Variants in CASTOR2 observed in about 807,000 individuals in gnomAD.
CASTOR2 encodes GATS protein like 2.
In CASTOR2, 8 loss-of-function variants were observed where a neutral mutation model predicts 31.2. The ratio of observed to expected loss-of-function variants is 0.26; its 90% CI spans 0.15 to 0.46. The LOEUF (loss-of-function observed/expected upper bound fraction) is 0.46, where lower values mean the gene tolerates loss of function less well. Among genes scored for constraint, CASTOR2 ranks in the 20% least tolerant of loss-of-function variants. The pLI, the probability that CASTOR2 is intolerant of heterozygous loss-of-function variation, is 0.99. For synonymous variants in CASTOR2, 162 were observed against 158.7 expected, an observed-to-expected ratio of 1.02 and a Z score of -0.16; for missense variants, 216 against 382.1, an observed-to-expected ratio of 0.57 and a Z score of 3.62.
chr7:74,989,263 C>CT lies in CASTOR2; in HGVS notation c.114-18717dup, dbSNP rs34799228. ...ACAGGCGTGAGCCACCACGCCTGGC[C>CT]TTTTTTTTTTTTTTGAGACAGGATC... On this transcript the variant is annotated intron_variant, in intron 1 of 8. Transcript: ENST00000616305. Among the ~76,000 whole-genome samples the CT allele has an allele frequency of 4.5e-4, 65 of 145,380 alleles. 1 individual carries two copies. The highest frequency in any genetic ancestry group is 3.5e-3 in the South Asian group (16 of 4,620).
intron 1 of CASTOR2, among the ~76,000 whole-genome samples, chr7:74,988,290 G>A (rs1219878401): frequency 2.0e-5 from 3 of 151,130 alleles, no homozygotes; most frequent in South Asian, 2.1e-4. Context: ...CACCACACCC[G>A]ACTTATTTAT....
chr7:74,997,124 C>G (rs1199971241), intron 1 of CASTOR2, among the ~76,000 whole-genome samples: 172 of 151,886 alleles, frequency 1.1e-3, no homozygotes, highest in Non-Finnish European at 2.1e-3. Flanking sequence ...AATCATAGCT[C>G]ATCACTGCAG....
At chr7:75,007,040 G>T (rs1234261544) in intron 1 of CASTOR2, among the ~76,000 whole-genome samples, 1 of 152,114 alleles carries the variant, frequency 6.6e-6, no homozygotes, top group Non-Finnish European at 1.5e-5. Context: ...GCCCATGCCC[G>T]GCTTTGTGCT....
Position 75,018,113 on chromosome 7 carries a change from C to T in CASTOR2, c.502C>T (p.Pro168Ser), listed in dbSNP as rs1429562467. The T allele has an allele frequency of 1.9e-6, 3 of 1,613,944 alleles. No homozygotes were observed. Among genetic ancestry groups the T allele is most frequent in the Non-Finnish European group, 2.5e-6 (3 of 1,179,922 alleles). The change falls in exon 4 of 9, where the codon CCC becomes TCC. Residue 168 changes from proline to serine, a missense_variant. Physicochemically the swap from Pro to Ser is moderately conservative, Grantham distance 74. Around this residue, in one of 5 missense-constraint regions of CASTOR2, gnomAD observed 114 missense variants for 194.2 expected, o/e 0.59. Transcript: ENST00000616305. ...NLGITNGFVK[P>S]KLVQRPVIHP... ...CGGCATCACCAATGGCTTCGTGAAGCCCAAGCTGGGTGAGCTGGGGGCGGG... is the reference window on the plus strand; with the variant it reads ...CGGCATCACCAATGGCTTCGTGAAGTCCAAGCTGGGTGAGCTGGGGGCGGG...
Position 75,026,189 on chromosome 7 carries a change from G to GGTTTTTTTTTTTTTT in CASTOR2, c.*1490_*1491insGTTTTTTTTTTTTTT, listed in dbSNP as rs1554440884. On this transcript the variant is annotated 3_prime_UTR_variant, in exon 9 of 9. Transcript: ENST00000616305. ...CCCTGTGGTTTTGGCTCTGGCGGGG[G>GGTTTTTTTTTTTTTT]TTTTTTTTTTTTTTTTTGAGATGGG... Among the ~76,000 whole-genome samples, 1 of 117,744 alleles carries GGTTTTTTTTTTTTTT rather than the reference G, an allele frequency of 8.5e-6. No homozygotes were observed. Among genetic ancestry groups the GGTTTTTTTTTTTTTT allele is most frequent in the Non-Finnish European group, 1.8e-5 (1 of 56,722 alleles). The allele number at this position is 117,744 out of a possible 152,430, so 77.2% of individuals were successfully genotyped here. A position where few individuals can be genotyped will look rare whatever the true frequency, so the allele number is the denominator to read the frequency against.
rs1805239441 is a variant in CASTOR2, at chr7:75,029,493, A to ATG, written c.*4794_*4795insTG. On this transcript the variant is annotated 3_prime_UTR_variant, in exon 9 of 9. Transcript: ENST00000616305. Reference sequence around the variant, plus strand: ...CAAGTAGCTGGGATTACAGGCACCCACCACCACGCTCGGCTAATTTTTGTA... The same window carrying ATG: ...CAAGTAGCTGGGATTACAGGCACCCATGCCACCACGCTCGGCTAATTTTTGTA... 6.7e-6 allele frequency among the ~76,000 whole-genome samples: 1 copy of ATG among 150,248 alleles called. No individual in the cohort carries two copies. Among genetic ancestry groups the ATG allele is most frequent in the South Asian group, 2.1e-4 (1 of 4,744 alleles).
chr7:74,982,422 T>C (rs1803967406), intron 1 of CASTOR2, among the ~76,000 whole-genome samples: 4 of 151,942 alleles, frequency 2.6e-5, no homozygotes, highest in African/African-American at 9.7e-5. Context: ...TAAGGGCAGA[T>C]CTCGCGGTGA....
chr7:74,990,953 G>A (rs1804195287), intron 1 of CASTOR2, among the ~76,000 whole-genome samples: 1 of 151,722 alleles, frequency 6.6e-6, no homozygotes, highest in African/African-American at 2.4e-5. Context: ...GTGGCGGCAT[G>A]CACCTGTAGT....
chr7:75,018,021 A>C lies in CASTOR2; in HGVS notation c.410A>C (p.His137Pro). Reference sequence around the variant, plus strand: ...GAGCGGGACCTGCCCTTTGTCACCCACACATTGTCATCAGAGTTCACCATC... The same window carrying C: ...GAGCGGGACCTGCCCTTTGTCACCCCCACATTGTCATCAGAGTTCACCATC... The part of the protein sequence containing the change: ...VRERDLPFVT[H>P]TLSSEFTILR... Residue 137 changes from histidine to proline, a missense_variant, in exon 4 of 9, where the codon CAC becomes CCC. His to Pro is a moderately conservative substitution (Grantham distance 77). Transcript: ENST00000616305. 1 of 1,614,148 alleles carries C rather than the reference A, an allele frequency of 6.2e-7. No individual in the cohort carries two copies. Among genetic ancestry groups the C allele is most frequent in the Non-Finnish European group, 8.5e-7 (1 of 1,180,018 alleles).
In CASTOR2 at chr7:75,016,172, G is replaced by C. The variant is rs1804859241; in HGVS notation, c.185-1426G>C. Among the ~76,000 whole-genome samples, 11 of 152,308 alleles carry C rather than the reference G, an allele frequency of 7.2e-5. No homozygotes were observed. The South Asian group carries it at 2.3e-3, about 32-fold the overall frequency. On this transcript the variant is annotated intron_variant, in intron 2 of 8. Coordinates refer to ENST00000616305, the MANE Select transcript of CASTOR2 (RefSeq NM_001145064.3). ...TGGCACTAGGTGGGTTTATGCAGGT[G>C]CCTGGTGTTGTATGAAGAGCCCCGA...
rs1416240456 is a variant in CASTOR2, at chr7:75,030,275, G to T, written c.*5576G>T. On this transcript the variant is annotated 3_prime_UTR_variant, in exon 9 of 9. Transcript: ENST00000616305. ...TATGCATTAGAGTGTGTGCGTGCACGTGTGCAGAGCCCACACCTGAGATAT... is the reference window on the plus strand; with the variant it reads ...TATGCATTAGAGTGTGTGCGTGCACTTGTGCAGAGCCCACACCTGAGATAT... Among the ~76,000 whole-genome samples the T allele has an allele frequency of 2.6e-5, 4 of 152,254 alleles. No homozygotes were observed. Among genetic ancestry groups the T allele is most frequent in the Non-Finnish European group, 4.4e-5 (3 of 68,052 alleles).
At chr7:75,014,789 A>G (rs1584475514) in intron 2 of CASTOR2, among the ~76,000 whole-genome samples, 2 of 151,946 alleles carry the variant, frequency 1.3e-5, no homozygotes, top group Admixed American at 1.3e-4. Context: ...TCTCCCCAAG[A>G]CCACTCTGGG....
Position 75,026,189 on chromosome 7 carries a change from G to GTTTTTTTTTTTTTT in CASTOR2, c.*1494_*1507dup, listed in dbSNP as rs879121750. Among the ~76,000 whole-genome samples the GTTTTTTTTTTTTTT allele has an allele frequency of 3.7e-3, 435 of 117,618 alleles. 15 individuals are homozygous for GTTTTTTTTTTTTTT. The highest frequency in any genetic ancestry group is 5.2e-3 in the Non-Finnish European group (293 of 56,674). The allele number at this position is 117,618 out of a possible 152,430, so 77.2% of individuals were successfully genotyped here. A position where few individuals can be genotyped will look rare whatever the true frequency, so the allele number is the denominator to read the frequency against. On this transcript the variant is annotated 3_prime_UTR_variant, in exon 9 of 9. Coordinates refer to ENST00000616305, the MANE Select transcript of CASTOR2 (RefSeq NM_001145064.3). Reference sequence around the variant, plus strand: ...CCCTGTGGTTTTGGCTCTGGCGGGGGTTTTTTTTTTTTTTTTTGAGATGGG... The same window carrying GTTTTTTTTTTTTTT: ...CCCTGTGGTTTTGGCTCTGGCGGGGGTTTTTTTTTTTTTTTTTTTTTTTTTTTTTTTGAGATGGG...
Position 75,018,015 on chromosome 7 carries a change from T to A in CASTOR2, c.404T>A (p.Val135Asp). The A allele has an allele frequency of 6.2e-7, 1 of 1,614,170 alleles. No individual in the cohort carries two copies. The highest frequency in any genetic ancestry group is 8.5e-7 in the Non-Finnish European group (1 of 1,180,026). ...ILVRERDLPF[V>D]THTLSSEFTI... ...GTGCGCGAGCGGGACCTGCCCTTTGTCACCCACACATTGTCATCAGAGTTC... is the reference window on the plus strand; with the variant it reads ...GTGCGCGAGCGGGACCTGCCCTTTGACACCCACACATTGTCATCAGAGTTC... The change falls in exon 4 of 9, where the codon GTC becomes GAC. Residue 135 changes from valine (V) to aspartate (D), a missense_variant. By Grantham distance (152) the Val-to-Asp change is radical. Coordinates refer to ENST00000616305, the MANE Select transcript of CASTOR2 (RefSeq NM_001145064.3).
chr7:75,023,482 T>G (rs1433881320), intron 7 of CASTOR2, among the ~76,000 whole-genome samples: 1 of 150,738 alleles, frequency 6.6e-6, no homozygotes, highest in Non-Finnish European at 1.5e-5. Flanking sequence ...TTTTTGTTTT[T>G]TTTTTTTTTG....
intron 1 of CASTOR2, among the ~76,000 whole-genome samples, chr7:75,005,959 G>T (rs1804596869): frequency 6.6e-6 from 1 of 152,192 alleles, no homozygotes; most frequent in Admixed American, 6.6e-5. Context: ...GAGAAACCTT[G>T]TCTTCACTAA....
In CASTOR2 at chr7:75,027,208, A is replaced by AC. The variant is rs1176221940; in HGVS notation, c.*2510dup. On this transcript the variant is annotated 3_prime_UTR_variant, in exon 9 of 9. Coordinates refer to ENST00000616305, the MANE Select transcript of CASTOR2 (RefSeq NM_001145064.3). ...GTTCCCTCAGACCTGACTTGAGAGA[A>AC]CAAAGCCAGCAGCTCAAAGAGCCTG... 6.6e-6 allele frequency: 1 copy of AC among 152,252 alleles called. No homozygotes were observed. Among genetic ancestry groups the AC allele is most frequent in the Admixed American group, 6.5e-5 (1 of 15,290 alleles). The allele number at this position is 152,252 out of a possible 1,614,324, so 9.4% of individuals were successfully genotyped here.
chr7:75,008,477 C>G (rs1490026288), intron 2 of CASTOR2, among the ~76,000 whole-genome samples: 4 of 152,164 alleles, frequency 2.6e-5, no homozygotes, highest in African/African-American at 7.2e-5. Flanking sequence ...GGGAGGATCA[C>G]TTGAGCCCAG....
chr7:75,030,570 A>T lies in CASTOR2; in HGVS notation c.*5871A>T, dbSNP rs997499258. Among the ~76,000 whole-genome samples the T allele has an allele frequency of 5.9e-5, 9 of 152,086 alleles. No individual in the cohort carries two copies. Among genetic ancestry groups the T allele is most frequent in the Non-Finnish European group, 1.3e-4 (9 of 68,018 alleles). ...TGAAATCTTAGCTAAGGATTGGAGG[A>T]TGCACTTCTAAGTGAGGCCTGGCTG... On this transcript the variant is annotated 3_prime_UTR_variant, in exon 9 of 9. Coordinates refer to ENST00000616305, the MANE Select transcript of CASTOR2 (RefSeq NM_001145064.3).
Sources: allele counts gnomAD v4.1 joint callset (sites outside exome capture counted in the v4.1 genomes callset), GRCh38; gene constraint gnomAD v4.1.1; regional missense constraint gnomAD v4.1.1; transcripts MANE v1.5; gene names NCBI Gene and HGNC (gene_info 2026-07-23, HGNC 2026-07-21).